The following FAM227A variants were observed in gnomAD, a reference collection of about 807,000 sequenced individuals.
FAM227A encodes family with sequence similarity 227 member A, also known as protein FAM227A.
In FAM227A, 80 loss-of-function variants were observed where a neutral mutation model predicts 74.7. The observed-to-expected ratio is 1.07, with a 90% CI of 0.89 to 1.29. The LOEUF (loss-of-function observed/expected upper bound fraction) is 1.29, where lower values mean the gene tolerates loss of function less well. FAM227A is among the 50% of genes most tolerant of loss of function. FAM227A has a pLI of 0.00. For synonymous variants in FAM227A, 237 were observed against 241.8 expected, an observed-to-expected ratio of 0.98 and a Z score of 0.19; for missense variants, 654 against 683.4, an observed-to-expected ratio of 0.96 and a Z score of 0.48.
intron 5 of FAM227A, among the ~76,000 whole-genome samples, chr22:38,638,202 A>G (rs1339637613): frequency 6.6e-6 from 1 of 152,092 alleles, no homozygotes; most frequent in East Asian, 1.9e-4. Flanking sequence ...GCCAAGGAGG[A>G]TCTGAAATGG....
intron 9 of FAM227A, among the ~76,000 whole-genome samples, chr22:38,624,688 C>T (rs1337169926): frequency 6.6e-6 from 1 of 152,144 alleles, no homozygotes; most frequent in Non-Finnish European, 1.5e-5. Flanking sequence ...GACTCCAGCT[C>T]TAATGGGCTT....
chr22:38,581,882 A>C lies in FAM227A; in HGVS notation c.*4243T>G. Reference sequence around the variant, plus strand: ...CTCAGCCTCCCTAGTAGCTAGGACTATAGGTATGCACTACCACATCGGACT... The same window carrying C: ...CTCAGCCTCCCTAGTAGCTAGGACTCTAGGTATGCACTACCACATCGGACT... On this transcript the variant is annotated 3_prime_UTR_variant, in exon 17 of 17. Coordinates refer to ENST00000535113, the MANE Select transcript of FAM227A (RefSeq NM_001013647.2). The C allele has an allele frequency of 6.3e-6, 1 of 157,950 alleles. No individual in the cohort carries two copies. The highest frequency in any genetic ancestry group is 1.4e-5 in the Non-Finnish European group (1 of 72,234). 9.8% of individuals were successfully genotyped at this position (157,950 alleles called of 1,614,324 possible). A position where few individuals can be genotyped will look rare whatever the true frequency, so the allele number is the denominator to read the frequency against.
At position 38,607,445 on chromosome 22, in the gene FAM227A, GT is replaced by G; in HGVS notation, c.1069del (p.Thr357ProfsTer28). On this transcript the variant is annotated frameshift_variant, in exon 12 of 17. Transcript: ENST00000535113. LOFTEE classifies it high-confidence loss of function. ...TTCTGAGTTCTGCTTGGCCGAAGAG[GT>G]TTTTTCACTGGGTGAATTTGCACTA... Reference protein sequence around the residue: ...SSSANSPSEKTSSAKQNSEKS... With the variant: ...SSSANSPSEKXSSAKQNSEKS... 6.4e-7 allele frequency: 1 copy of G among 1,551,442 alleles called. No homozygotes were observed. Among genetic ancestry groups the G allele is most frequent in the South Asian group, 1.2e-5 (1 of 84,060 alleles).
chr22:38,651,796 ATGTGCTGGGGGC>A (rs2092326945), intron 1 of FAM227A, among the ~76,000 whole-genome samples: 2 of 64,648 alleles, frequency 3.1e-5, no homozygotes, highest in Non-Finnish European at 6.4e-5. Flanking sequence ...AAGCAATATG[ATGTGCTGGGGGC>A]AGGGCAGAAG....
chr22:38,613,293 TATC>T (rs1401073850), intron 11 of FAM227A, among the ~76,000 whole-genome samples: 165 of 88,172 alleles, frequency 1.9e-3, no homozygotes, highest in African/African-American at 7.7e-3. Context: ...ATATAATATA[TATC>T]ATATATAATA....
Position 38,582,159 on chromosome 22 carries a change from T to G in FAM227A, c.*3966A>C, listed in dbSNP as rs2090715777. The G allele has an allele frequency of 1.7e-6, 1 of 605,374 alleles. No individual in the cohort carries two copies. Among genetic ancestry groups the G allele is most frequent in the Admixed American group, 2.9e-5 (1 of 33,932 alleles). 37.5% of individuals were successfully genotyped at this position (605,374 alleles called of 1,614,324 possible). A position where few individuals can be genotyped will look rare whatever the true frequency, so the allele number is the denominator to read the frequency against. On this transcript the variant is annotated 3_prime_UTR_variant, in exon 17 of 17. Coordinates refer to ENST00000535113, the MANE Select transcript of FAM227A (RefSeq NM_001013647.2). ...GAGCCATTCACCACAATCAAGATAG[T>G]AGACATATCTGTCACCCCCAAAAGT... is the stretch of plus-strand genomic sequence containing the variant.
intron 15 of FAM227A, among the ~76,000 whole-genome samples, chr22:38,592,034 C>T (rs1212241721): frequency 2.6e-5 from 4 of 151,838 alleles, no homozygotes; most frequent in Non-Finnish European, 2.9e-5. Flanking sequence ...CTGCAACTTC[C>T]GCCTCCTGGG....
intron 13 of FAM227A, among the ~76,000 whole-genome samples, chr22:38,601,409 G>A (rs1569196221): frequency 6.6e-6 from 1 of 151,728 alleles, no homozygotes; most frequent in Non-Finnish European, 1.5e-5. Context: ...TGTGCTTGGT[G>A]TGGCTGAGGG....
At chr22:38,603,122 C>T (rs1057147730) in intron 13 of FAM227A, among the ~76,000 whole-genome samples, 7 of 152,190 alleles carry the variant, frequency 4.6e-5, no homozygotes, top group African/African-American at 1.7e-4. Flanking sequence ...GATCTGCCCA[C>T]CTCGACCTCC....
At position 38,639,667 on chromosome 22, in the gene FAM227A, G is replaced by C. The variant is rs1412671154; in HGVS notation, c.283C>G (p.Pro95Ala). The C allele has an allele frequency of 1.3e-6, 2 of 1,551,896 alleles. No homozygotes were observed. Among genetic ancestry groups the C allele is most frequent in the South Asian group, 2.4e-5 (2 of 84,060 alleles). Reference protein sequence around the residue: ...KALREKTRSSPEDKVKRQRKS... With the variant: ...KALREKTRSSAEDKVKRQRKS... ...GAAAGGTTTTTGCCTTTGTCTTCTG[G>C]ACTGCTGCGAGTTTTCTCTCTTAAA... is the stretch of plus-strand genomic sequence containing the variant. Residue 95 changes from proline to alanine, a missense_variant, in exon 4 of 17, where the codon CCA becomes GCA. By Grantham distance (27) the Pro-to-Ala change is conservative (BLOSUM62 -1). Coordinates refer to ENST00000535113, the MANE Select transcript of FAM227A (RefSeq NM_001013647.2).
At chr22:38,640,812 A>T (rs2145678773) in intron 3 of FAM227A, among the ~76,000 whole-genome samples, 1 of 152,206 alleles carries the variant, frequency 6.6e-6, no homozygotes, top group African/African-American at 2.4e-5. Context: ...ATAAACTGGG[A>T]AATACCTCTC....
intron 9 of FAM227A, among the ~76,000 whole-genome samples, chr22:38,623,769 T>C (rs2091741127): frequency 1.3e-5 from 2 of 152,240 alleles, no homozygotes; most frequent in Non-Finnish European, 2.9e-5. Context: ...GTCTTCTTCT[T>C]TATACCTCCA....
Position 38,629,107 on chromosome 22 carries a change from A to T in FAM227A, c.520-172T>A, listed in dbSNP as rs2091867131. 4 of 523,960 alleles carry T rather than the reference A, an allele frequency of 7.6e-6. No homozygotes were observed. The East Asian group carries it at 1.4e-4, about 18-fold the overall frequency. 32.5% of individuals were successfully genotyped at this position (523,960 alleles called of 1,614,324 possible). On this transcript the variant is annotated intron_variant, in intron 6 of 16. Transcript: ENST00000535113. The stretch of plus-strand genomic sequence containing the variant: ...CCTATAATAGTCTTATGAGGAATAC[A>T]TCATTATCTCATAGATGAGGAAACC...
At chr22:38,653,900 G>A (rs1043626281) in intron 1 of FAM227A, 2 of 152,188 alleles carry the variant, frequency 1.3e-5, no homozygotes, top group Admixed American at 1.3e-4. Flanking sequence ...TCTACTGGAG[G>A]AGACAGGACA....
intron 11 of FAM227A, among the ~76,000 whole-genome samples, chr22:38,611,079 C>A (rs2091403377): frequency 6.6e-6 from 1 of 151,756 alleles, no homozygotes; most frequent in Non-Finnish European, 1.5e-5. Flanking sequence ...AAAAAAAAAT[C>A]TTTCCTATCC....
intron 6 of FAM227A, among the ~76,000 whole-genome samples, chr22:38,633,772 T>C (rs1427493933): frequency 2.0e-5 from 3 of 152,094 alleles, no homozygotes; most frequent in Admixed American, 6.6e-5. Context: ...GATCTCCTGA[T>C]CTCGTGATCC....
intron 11 of FAM227A, among the ~76,000 whole-genome samples, chr22:38,611,393 T>A (rs188528750): frequency 6.6e-6 from 1 of 152,108 alleles, no homozygotes; most frequent in Middle Eastern, 3.2e-3. Flanking sequence ...AATTAGCAGG[T>A]ATGGGCAAGA....
chr22:38,614,286 C>T (rs889380908), intron 11 of FAM227A, among the ~76,000 whole-genome samples: 1 of 152,102 alleles, frequency 6.6e-6, no homozygotes, highest in Non-Finnish European at 1.5e-5. Context: ...CCTCAGATTC[C>T]ATTTCCTAAA....
intron 14 of FAM227A, among the ~76,000 whole-genome samples, chr22:38,599,213 C>T (rs1158448509): frequency 6.6e-6 from 1 of 152,040 alleles, no homozygotes; most frequent in Non-Finnish European, 1.5e-5. Context: ...CCGCTCATCT[C>T]GGCTCTCACA....
Sources: allele counts gnomAD v4.1 joint callset (sites outside exome capture counted in the v4.1 genomes callset), GRCh38; gene constraint gnomAD v4.1.1; transcripts MANE v1.5; gene names NCBI Gene and HGNC (gene_info 2026-07-23, HGNC 2026-07-21).